The following DSTYK variants were observed in gnomAD, a reference collection of about 807,000 sequenced individuals.
DSTYK encodes the protein dual serine/threonine and tyrosine protein kinase.
DSTYK carries 34 observed loss-of-function variants against 98.7 expected under a neutral mutation model. That is an observed-to-expected ratio of 0.34 (90% CI 0.26 to 0.46). DSTYK has a LOEUF of 0.46. Ranked by LOEUF, DSTYK falls within the 20% of genes least tolerant of loss-of-function variation. The pLI is 1.00. For missense variants in DSTYK, 962 were observed against 1,181.7 expected (o/e 0.81, Z 2.73); for synonymous variants, 462 against 457.3 (o/e 1.01, Z -0.13).
Position 205,161,353 on chromosome 1 carries a change from G to A in DSTYK, c.1853C>T (p.Thr618Met), listed in dbSNP as rs374722933. The stretch of plus-strand genomic sequence containing the variant: ...CCGAACCCTCAGCCATAGATCTTCC[G>A]TTTTCTCTAACCGGCCTGAGTGGCC... ...EAGHSGRLEK[T>M]EDLWLRVRKD... is the part of the protein sequence containing the mutation. The change falls in exon 7 of 13, where the codon ACG becomes ATG. Residue 618 changes from threonine to methionine, a missense_variant. By Grantham distance (81) the Thr-to-Met change is moderately conservative. Transcript: ENST00000367162. 9.7e-5 allele frequency: 157 copies of A among 1,614,014 alleles called. No individual in the cohort carries two copies. Among genetic ancestry groups the A allele is most frequent in the Non-Finnish European group, 1.2e-4 (146 of 1,179,996 alleles).
At chr1:205,202,092 G>A in intron 1 of DSTYK, 2 of 413,540 alleles carry the variant, frequency 4.8e-6, no homozygotes, top group Non-Finnish European at 9.5e-6. Flanking sequence ...AAGGGAGAAG[G>A]GGAAGGGAGA....
intron 1 of DSTYK, among the ~76,000 whole-genome samples, chr1:205,207,710 C>G (rs1424046547): frequency 8.3e-6 from 1 of 120,836 alleles, no homozygotes; most frequent in East Asian, 2.6e-4. Flanking sequence ...GAGCCAAGAT[C>G]ACGCCACTGC....
chr1:205,210,988 G>C (rs1659354779), intron 1 of DSTYK, among the ~76,000 whole-genome samples: 1 of 152,146 alleles, frequency 6.6e-6, no homozygotes, highest in South Asian at 2.1e-4. Context: ...CCCCAGGTCC[G>C]TCAGCGCACA....
intron 3 of DSTYK, among the ~76,000 whole-genome samples, chr1:205,167,578 T>C (rs955874530): frequency 6.6e-6 from 1 of 152,058 alleles, no homozygotes; most frequent in African/African-American, 2.4e-5. Context: ...CAGAAAGAAG[T>C]TAAGACCAAC....
At chr1:205,151,562 C>A (rs1400205613) in intron 10 of DSTYK, among the ~76,000 whole-genome samples, 1 of 152,070 alleles carries the variant, frequency 6.6e-6, no homozygotes, top group Non-Finnish European at 1.5e-5. Flanking sequence ...CAGCCTTGAA[C>A]TTCTAGGCTC....
At chr1:205,173,354 A>G (rs1480565590) in intron 2 of DSTYK, 4 of 146,992 alleles carry the variant, frequency 2.7e-5, no homozygotes, top group Admixed American at 7.2e-5. Flanking sequence ...AGATCACACC[A>G]TGCACTCCAA....
At chr1:205,207,521 C>T (rs1275797251) in intron 1 of DSTYK, among the ~76,000 whole-genome samples, 1 of 151,076 alleles carries the variant, frequency 6.6e-6, no homozygotes, top group Non-Finnish European at 1.5e-5. Context: ...GAGGCCAAGG[C>T]AGGCAGATCG....
At chr1:205,192,811 G>A (rs145901871) in intron 1 of DSTYK, among the ~76,000 whole-genome samples, 26 of 152,232 alleles carry the variant, frequency 1.7e-4, no homozygotes, top group Admixed American at 1.2e-3. Context: ...GTAGTGAGCC[G>A]AGATAACGCC....
At chr1:205,196,620 C>G (rs970117930) in intron 1 of DSTYK, among the ~76,000 whole-genome samples, 2 of 151,896 alleles carry the variant, frequency 1.3e-5, no homozygotes, top group Non-Finnish European at 2.9e-5. Flanking sequence ...TCAGGGAATG[C>G]TAGGTCTACT....
intron 2 of DSTYK, among the ~76,000 whole-genome samples, chr1:205,185,114 T>C (rs943684417): frequency 2.0e-5 from 3 of 152,062 alleles, no homozygotes; most frequent in East Asian, 1.9e-4. Flanking sequence ...GGCAGTAGAA[T>C]TGCTTGAATC....
chr1:205,174,739 AT>A (rs201713692), intron 2 of DSTYK, among the ~76,000 whole-genome samples: 1,543 of 132,014 alleles, frequency 0.012, 23 homozygotes, highest in African/African-American at 0.041. Context: ...TTTATTTTTA[AT>A]TTTTTTTTTT....
rs1453861292 is a variant in DSTYK, at chr1:205,211,686, T to A, written c.-151A>T. ...GGCTCCCAACCTCCGTCACTGCCGT[T>A]GCAAACAAACCAAACCGCAGTGCGC... On this transcript the variant is annotated 5_prime_UTR_variant, in exon 1 of 13. Coordinates refer to ENST00000367162, the MANE Select transcript of DSTYK (RefSeq NM_015375.3). The A allele has an allele frequency of 8.9e-7, 1 of 1,121,136 alleles. No homozygotes were observed. The allele number at this position is 1,121,136 out of a possible 1,614,324, so 69.4% of individuals were successfully genotyped here.
chr1:205,189,055 C>T (rs10900465), intron 1 of DSTYK, among the ~76,000 whole-genome samples: 73,595 of 151,890 alleles, frequency 0.48, 21,065 homozygotes, highest in Non-Finnish European at 0.63. Flanking sequence ...CACATGTATC[C>T]TATAAATATG....
chr1:205,202,486 A>C, intron 1 of DSTYK: 1 of 830,096 alleles, frequency 1.2e-6, no homozygotes, highest in Non-Finnish European at 2.1e-6. Flanking sequence ...AAATGCAGAG[A>C]GTAATGCTGA....
At chr1:205,178,040 G>A (rs1658283380) in intron 2 of DSTYK, among the ~76,000 whole-genome samples, 1 of 152,028 alleles carries the variant, frequency 6.6e-6, no homozygotes, top group Middle Eastern at 3.2e-3. Flanking sequence ...AACATTGAAT[G>A]GATACAAGCT....
chr1:205,174,659 G>A (rs1225156070), intron 2 of DSTYK, among the ~76,000 whole-genome samples: 6 of 151,268 alleles, frequency 4.0e-5, no homozygotes, highest in African/African-American at 1.5e-4. Context: ...CTCTAGCCTG[G>A]GCAACAGAGT....
Position 205,157,404 on chromosome 1 carries a change from G to C in DSTYK, c.2239-18C>G, listed in dbSNP as rs184840693. 1,820 of 1,604,834 alleles carry C rather than the reference G, an allele frequency of 1.1e-3. 3 individuals carry two copies. The highest frequency in any genetic ancestry group is 1.4e-3 in the Non-Finnish European group (1,657 of 1,171,680). On this transcript the variant is annotated intron_variant, in intron 9 of 12. Transcript: ENST00000367162. ...AGCCCAGCCTTGGGGAGACAAAAGAGCTTACTTGTCATGATAAGGCAACTC... is the reference window on the plus strand; with the variant it reads ...AGCCCAGCCTTGGGGAGACAAAAGACCTTACTTGTCATGATAAGGCAACTC...
Position 205,143,565 on chromosome 1 carries a change from A to G in DSTYK, c.*3993T>C, listed in dbSNP as rs1657134957. 4 of 152,532 alleles carry G rather than the reference A, an allele frequency of 2.6e-5. No individual in the cohort carries two copies. Among genetic ancestry groups the G allele is most frequent in the Admixed American group, 2.6e-4 (4 of 15,268 alleles). 9.4% of individuals were successfully genotyped at this position (152,532 alleles called of 1,614,324 possible). ...TACCAAGCATGCCATCATCTCTCCA[A>G]AGCAAGCCCAAAGGGGGCTTTAACT... On this transcript the variant is annotated 3_prime_UTR_variant, in exon 13 of 13. Transcript: ENST00000367162.
intron 2 of DSTYK, among the ~76,000 whole-genome samples, chr1:205,177,275 T>C (rs962933860): frequency 6.6e-6 from 1 of 152,150 alleles, no homozygotes; most frequent in African/African-American, 2.4e-5. Flanking sequence ...AGTTGGTAGG[T>C]AGCAGATGTC....
Sources: gnomAD v4.1 joint callset for allele counts (sites outside exome capture counted in the v4.1 genomes callset) on GRCh38, gnomAD v4.1.1 for gene constraint, MANE v1.5 for transcripts, NCBI Gene and HGNC (gene_info 2026-07-23, HGNC 2026-07-21) for gene names.